The following KIF16B variants were observed in gnomAD, a reference collection of about 807,000 sequenced individuals.
KIF16B encodes kinesin-like protein KIF16B.
In KIF16B, 98 loss-of-function variants were observed where a neutral mutation model predicts 156.3. The observed-to-expected ratio is 0.63, with a 90% CI of 0.53 to 0.74. The LOEUF (loss-of-function observed/expected upper bound fraction) is 0.74, where lower values mean the gene tolerates loss of function less well. Ranked by LOEUF, KIF16B falls within the 30% of genes least tolerant of loss-of-function variation. KIF16B has a pLI of 0.00. For synonymous variants in KIF16B, 564 were observed against 583.7 expected (o/e 0.97, Z 0.49); for missense variants, 1,421 against 1,606.5 (o/e 0.88, Z 1.97).
intron 25 of KIF16B, among the ~76,000 whole-genome samples, chr20:16,286,126 A>G (rs1434421117): frequency 6.6e-6 from 1 of 152,220 alleles, no homozygotes; most frequent in East Asian, 1.9e-4. Context: ...CCAGAACTTA[A>G]CACAGTGTCT....
intron 1 of KIF16B, among the ~76,000 whole-genome samples, chr20:16,531,789 T>C (rs1486723474): frequency 6.6e-6 from 1 of 152,110 alleles, no homozygotes; most frequent in Non-Finnish European, 1.5e-5. Context: ...TGGATCCCAA[T>C]TCAAACAGAA....
chr20:16,521,049 C>A (rs578183260), intron 3 of KIF16B, among the ~76,000 whole-genome samples: 2 of 152,026 alleles, frequency 1.3e-5, no homozygotes, highest in Non-Finnish European at 2.9e-5. Context: ...GATAAATCCA[C>A]GAAGATGAGG....
chr20:16,519,918 G>A (rs987426747), intron 3 of KIF16B, among the ~76,000 whole-genome samples: 1 of 152,184 alleles, frequency 6.6e-6, no homozygotes, highest in Non-Finnish European at 1.5e-5. Flanking sequence ...AGTGCAAGGG[G>A]TCAGGGAACT....
chr20:16,356,595 T>A, intron 22 of KIF16B, 143 bp from the exon 23 acceptor site: 1 of 880,138 alleles, frequency 1.1e-6, no homozygotes, highest in Admixed American at 2.9e-5. Context: ...AGAAAAATGA[T>A]GGTTTCCTTT....
At chr20:16,494,446 T>C in intron 11 of KIF16B, 96 bp from the exon 12 acceptor site, 1 of 720,964 alleles carries the variant, frequency 1.4e-6, no homozygotes, top group Non-Finnish European at 2.3e-6. Context: ...AAAGATGTAC[T>C]ATAATTTTTT....
At chr20:16,549,485 A>T (rs13045607) in intron 1 of KIF16B, among the ~76,000 whole-genome samples, 1 of 151,402 alleles carries the variant, frequency 6.6e-6, no homozygotes, top group African/African-American at 2.4e-5. Context: ...ATTGTGAATA[A>T]TGCCGCAATA....
chr20:16,556,010 G>A (rs552276769), intron 1 of KIF16B, among the ~76,000 whole-genome samples: 1 of 152,308 alleles, frequency 6.6e-6, no homozygotes, highest in East Asian at 1.9e-4. Context: ...TTGGGGAAAA[G>A]CTTGCCTTGG....
chr20:16,505,577 A>G, intron 9 of KIF16B, 145 bp downstream of exon 9: 1 of 671,672 alleles, frequency 1.5e-6, no homozygotes, highest in Non-Finnish European at 2.5e-6. Flanking sequence ...GGATCATAGG[A>G]GGTGATTTTC....
intron 1 of KIF16B, among the ~76,000 whole-genome samples, chr20:16,573,008 T>C (rs528204686): frequency 3.2e-4 from 49 of 152,248 alleles, no homozygotes; most frequent in Admixed American, 2.7e-3. Context: ...AGAGAGTTAA[T>C]AGAATCTTCT....
At chr20:16,321,168 T>C (rs1245247160) in intron 24 of KIF16B, among the ~76,000 whole-genome samples, 1 of 152,156 alleles carries the variant, frequency 6.6e-6, no homozygotes, top group African/African-American at 2.4e-5. Context: ...CTTAAAATAA[T>C]GTTCATTAAA....
At chr20:16,494,194 G>A in intron 12 of KIF16B, 97 bp downstream of exon 12, 1 of 703,996 alleles carries the variant, frequency 1.4e-6, no homozygotes, top group Non-Finnish European at 2.4e-6. Flanking sequence ...CCTTAACAAA[G>A]TATACAACTG....
At chr20:16,367,288 A>G (rs1381474374) in intron 22 of KIF16B, 1 of 1,612,878 alleles carries the variant, frequency 6.2e-7, no homozygotes, top group East Asian at 2.2e-5. Context: ...GGCTTCCTGA[A>G]GGTGCTCAGG....
intron 3 of KIF16B, among the ~76,000 whole-genome samples, chr20:16,522,134 T>C (rs1487294300): frequency 6.6e-6 from 1 of 152,096 alleles, no homozygotes; most frequent in Non-Finnish European, 1.5e-5. Flanking sequence ...AATAACCAGC[T>C]TAGCATCATG....
intron 22 of KIF16B, among the ~76,000 whole-genome samples, chr20:16,366,672 A>T (rs192717381): frequency 4.0e-4 from 61 of 152,314 alleles, no homozygotes; most frequent in Admixed American, 2.0e-3. Context: ...AGCTTGATGC[A>T]TCACTAATGT....
rs1190967444 is a variant in KIF16B, at chr20:16,356,433, A to G, written c.3518T>C (p.Leu1173Ser). 2.5e-6 allele frequency: 4 copies of G among 1,614,046 alleles called. No homozygotes were observed. The highest frequency in any genetic ancestry group is 2.7e-5 in the African/African-American group (2 of 74,948). ...LKYERMVSRS[L>S]GANPDDLKDP... ...CTTCAGGTCATCTGGATTTGCGCCC[A>G]AAGAGCGAGAAACCATCCGCTATCA... The change falls in exon 23 of 26, where the codon TTG (leucine) becomes TCG (serine). Residue 1173 changes from leucine (L) to serine (S), a missense_variant. Physicochemically the swap from Leu to Ser is moderately radical, Grantham distance 145. Transcript: ENST00000354981.
intron 1 of KIF16B, among the ~76,000 whole-genome samples, chr20:16,547,422 A>T (rs1018532196): frequency 1.3e-5 from 2 of 152,246 alleles, no homozygotes; most frequent in African/African-American, 4.8e-5. Context: ...CCAAGGAGAG[A>T]CCTGACTTTG....
intron 1 of KIF16B, among the ~76,000 whole-genome samples, 186 bp downstream of exon 1, chr20:16,573,043 G>A (rs1481119401): frequency 6.6e-6 from 1 of 152,228 alleles, no homozygotes; most frequent in Non-Finnish European, 1.5e-5. Flanking sequence ...GTCCTCTCCA[G>A]GGCAATGTGA....
chr20:16,393,807 G>T (rs1157155703), intron 17 of KIF16B, among the ~76,000 whole-genome samples: 2 of 152,196 alleles, frequency 1.3e-5, no homozygotes, highest in Non-Finnish European at 2.9e-5. Flanking sequence ...CCTCTTTGAG[G>T]AAGTGACATT....
chr20:16,380,247 C>G (rs1411084428), intron 18 of KIF16B, 84 bp from the exon 19 acceptor site: 2 of 1,260,028 alleles, frequency 1.6e-6, no homozygotes, highest in African/African-American at 1.5e-5. Flanking sequence ...TGAAAATGCA[C>G]ATACAACCAG....
Sources: allele counts gnomAD v4.1 joint callset (sites outside exome capture counted in the v4.1 genomes callset), GRCh38; gene constraint gnomAD v4.1.1; transcripts MANE v1.5; gene names NCBI Gene and HGNC (gene_info 2026-07-23, HGNC 2026-07-21).